The following DNER variants were observed in gnomAD, a reference collection of about 807,000 sequenced individuals.
DNER encodes delta and Notch-like epidermal growth factor-related receptor.
In DNER, 33 loss-of-function variants were observed where a neutral mutation model predicts 78.2. The observed-to-expected ratio is 0.42, with a 90% confidence interval of 0.32 to 0.56. The LOEUF (loss-of-function observed/expected upper bound fraction) is 0.56, where lower values mean the gene tolerates loss of function less well. Among genes scored for constraint, DNER ranks in the 20% least tolerant of loss-of-function variants. DNER has a pLI of 0.11. For synonymous variants in DNER, 417 were observed against 384.8 expected (o/e 1.08, Z -0.98); for missense variants, 918 against 975.3 (o/e 0.94, Z 0.78).
At chr2:229,362,803 G>A (rs1338396103) in intron 12 of DNER, among the ~76,000 whole-genome samples, 1 of 152,178 alleles carries the variant, frequency 6.6e-6, no homozygotes, top group African/African-American at 2.4e-5. Flanking sequence ...CCTATTTGGT[G>A]ACAAGTCTTG....
At chr2:229,684,165 AGAGAGTGTGTGT>A (rs1341064421) in intron 1 of DNER, among the ~76,000 whole-genome samples, 16 of 117,076 alleles carry the variant, frequency 1.4e-4, no homozygotes, top group South Asian at 3.1e-4. Context: ...AGAGAGAGAG[AGAGAGTGTGTGT>A]GTGTGTGTGT....
intron 9 of DNER, among the ~76,000 whole-genome samples, chr2:229,414,981 G>A (rs1693613295): frequency 6.6e-6 from 1 of 152,068 alleles, no homozygotes; most frequent in African/African-American, 2.4e-5. Flanking sequence ...TGACCAACAT[G>A]GAGAAACTTT....
intron 6 of DNER, among the ~76,000 whole-genome samples, chr2:229,488,219 A>T (rs1695318418): frequency 6.6e-6 from 1 of 152,210 alleles, no homozygotes. Flanking sequence ...AATCTTTCTC[A>T]TCTTTCATCC....
chr2:229,594,928 C>A (rs1286244418), intron 1 of DNER, among the ~76,000 whole-genome samples: 2 of 131,544 alleles, frequency 1.5e-5, no homozygotes, highest in African/African-American at 5.8e-5. Context: ...AGAACTGTAC[C>A]AGGTCTCGGT....
At chr2:229,473,124 G>T (rs1370209900) in intron 7 of DNER, among the ~76,000 whole-genome samples, 1 of 152,224 alleles carries the variant, frequency 6.6e-6, no homozygotes, top group Non-Finnish European at 1.5e-5. Flanking sequence ...GCGGATGTGT[G>T]CTGTCGAGAA....
intron 4 of DNER, among the ~76,000 whole-genome samples, chr2:229,550,765 C>G (rs989524672): frequency 6.6e-6 from 1 of 151,970 alleles, no homozygotes; most frequent in Non-Finnish European, 1.5e-5. Flanking sequence ...CAGAGCGAGA[C>G]TCTGTCTCAA....
chr2:229,527,776 G>A (rs1427974356), intron 5 of DNER, among the ~76,000 whole-genome samples: 1 of 152,060 alleles, frequency 6.6e-6, no homozygotes, highest in Non-Finnish European at 1.5e-5. Flanking sequence ...GGTAAATATG[G>A]TTTATCTATT....
intron 1 of DNER, among the ~76,000 whole-genome samples, chr2:229,699,182 A>G (rs1699706332): frequency 6.6e-6 from 1 of 152,138 alleles, no homozygotes; most frequent in Non-Finnish European, 1.5e-5. Flanking sequence ...AATACTAAGG[A>G]ACACACGACA....
intron 6 of DNER, among the ~76,000 whole-genome samples, chr2:229,510,182 T>C (rs780959236): frequency 6.6e-6 from 1 of 152,072 alleles, no homozygotes; most frequent in African/African-American, 2.4e-5. Flanking sequence ...GGGGGTGAGA[T>C]AGGGCTGGAA....
intron 6 of DNER, among the ~76,000 whole-genome samples, chr2:229,489,881 G>A (rs1315371021): frequency 6.6e-6 from 1 of 152,184 alleles, no homozygotes; most frequent in Non-Finnish European, 1.5e-5. Flanking sequence ...CCTTGGAGAA[G>A]CACTCTTATG....
intron 1 of DNER, among the ~76,000 whole-genome samples, chr2:229,691,875 C>G (rs537258833): frequency 6.6e-6 from 1 of 152,290 alleles, no homozygotes; most frequent in East Asian, 1.9e-4. Flanking sequence ...TGACCCAAGT[C>G]AGTCCAACCA....
intron 1 of DNER, among the ~76,000 whole-genome samples, chr2:229,677,157 A>T (rs79724331): frequency 6.6e-6 from 1 of 151,920 alleles, no homozygotes; most frequent in African/African-American, 2.4e-5. Context: ...CATCAGCCTC[A>T]TTTTTGCTGA....
At chr2:229,607,813 AG>A (rs1292743946) in intron 1 of DNER, among the ~76,000 whole-genome samples, 19 of 152,166 alleles carry the variant, frequency 1.2e-4, no homozygotes, top group Admixed American at 5.2e-4. Context: ...ACTTGGGCCC[AG>A]GAGTTCAAGA....
intron 6 of DNER, among the ~76,000 whole-genome samples, chr2:229,499,444 CAAAA>C (rs777417272): frequency 6.7e-5 from 5 of 74,822 alleles, no homozygotes; most frequent in South Asian, 4.2e-4. Context: ...GACTCCAACT[CAAAA>C]AAAAAAAAAA....
intron 11 of DNER, among the ~76,000 whole-genome samples, chr2:229,380,091 G>T (rs1692701365): frequency 6.6e-6 from 1 of 152,064 alleles, no homozygotes; most frequent in African/African-American, 2.4e-5. Context: ...CATATCCTCA[G>T]CCTCTTATCA....
chr2:229,399,779 T>C (rs1693228960), intron 10 of DNER, among the ~76,000 whole-genome samples: 1 of 152,036 alleles, frequency 6.6e-6, no homozygotes. Context: ...GAAGAAAAGA[T>C]AGCCCTTTCA....
At chr2:229,588,604 G>T in intron 2 of DNER, 116 bp from the exon 3 acceptor site, 1 of 756,922 alleles carries the variant, frequency 1.3e-6, no homozygotes, top group Non-Finnish European at 2.2e-6. Context: ...TGCGGGGGTA[G>T]GGCTAGAGAG....
chr2:229,612,544 T>C (rs1698068137), intron 1 of DNER, among the ~76,000 whole-genome samples: 1 of 152,238 alleles, frequency 6.6e-6, no homozygotes, highest in African/African-American at 2.4e-5. Context: ...GCGTGAGAGC[T>C]GTCCACAAAG....
chr2:229,670,928 GA>G (rs1203823094), intron 1 of DNER, among the ~76,000 whole-genome samples: 1 of 152,164 alleles, frequency 6.6e-6, no homozygotes, highest in African/African-American at 2.4e-5. Context: ...TTTCAGTGAT[GA>G]AAAAAGACAC....
Sources: gnomAD v4.1 joint callset for allele counts (sites outside exome capture counted in the v4.1 genomes callset) on GRCh38, gnomAD v4.1.1 for gene constraint, MANE v1.5 for transcripts, NCBI Gene and HGNC (gene_info 2026-07-23, HGNC 2026-07-21) for gene names.